The following MTUS1 variants were observed in gnomAD, a reference collection of about 807,000 sequenced individuals.
MTUS1 encodes the protein microtubule-associated tumor suppressor 1.
MTUS1 carries 109 observed loss-of-function variants against 120.8 expected under a neutral mutation model. The observed-to-expected ratio is 0.90, with a 90% CI of 0.77 to 1.06. The LOEUF is 1.06. Ranked by LOEUF, MTUS1 falls within the 50% of genes least tolerant of loss-of-function variation. The pLI is 0.00. For synonymous variants in MTUS1, 737 were observed against 550.5 expected (o/e 1.34, Z -4.74); for missense variants, 2,210 against 1,486.3 (o/e 1.49, Z -8.01).
intron 1 of MTUS1, among the ~76,000 whole-genome samples, chr8:17,788,560 G>C (rs778879850): frequency 6.6e-6 from 1 of 152,172 alleles, no homozygotes; most frequent in Admixed American, 6.5e-5. Context: ...GACAGCCACA[G>C]ACTAAACCAC....
At chr8:17,683,729 A>C (rs1248848084) in intron 7 of MTUS1, among the ~76,000 whole-genome samples, 1 of 152,224 alleles carries the variant, frequency 6.6e-6, no homozygotes, top group Non-Finnish European at 1.5e-5. Context: ...TATGTCAGTA[A>C]CATGTTGATA....
At chr8:17,734,415 A>G (rs1005761517) in intron 3 of MTUS1, among the ~76,000 whole-genome samples, 11 of 152,322 alleles carry the variant, frequency 7.2e-5, no homozygotes, top group African/African-American at 2.6e-4. Flanking sequence ...GAGTCATAAC[A>G]AAAACACGGC....
intron 8 of MTUS1, among the ~76,000 whole-genome samples, chr8:17,672,179 G>A (rs148997501): frequency 4.3e-4 from 66 of 152,262 alleles, no homozygotes; most frequent in African/African-American, 1.6e-3. Flanking sequence ...CCTTTCTGTA[G>A]CATAGATGAT....
intron 6 of MTUS1, among the ~76,000 whole-genome samples, chr8:17,686,862 T>C (rs948819440): frequency 2.6e-5 from 4 of 152,256 alleles, no homozygotes; most frequent in South Asian, 4.1e-4. Flanking sequence ...GCATTTTTTA[T>C]ACTTTTTAAC....
chr8:17,771,748 T>A (rs559788702), intron 1 of MTUS1, among the ~76,000 whole-genome samples: 1 of 152,350 alleles, frequency 6.6e-6, no homozygotes, highest in East Asian at 1.9e-4. Flanking sequence ...TATTTTCCGA[T>A]AAACAGGGTC....
At chr8:17,759,693 A>G (rs1219031390) in intron 1 of MTUS1, among the ~76,000 whole-genome samples, 1 of 149,792 alleles carries the variant, frequency 6.7e-6, no homozygotes, top group Non-Finnish European at 1.5e-5. Flanking sequence ...TTTTGCTTTT[A>G]AGACTCATAT....
rs756059902 is a variant in MTUS1, at chr8:17,754,108, G to A, written c.1700C>T (p.Ala567Val). The A allele has an allele frequency of 1.8e-5, 29 of 1,613,738 alleles. No individual in the cohort carries two copies. Among genetic ancestry groups the A allele is most frequent in the Non-Finnish European group, 2.5e-5 (29 of 1,179,984 alleles). ...ATGTGTCTTGTTAATTAGAATTTCT[G>A]CTTTTTTGTCTGCATTCAAGTCAGA... ...PRSDLNADKK[A>V]EILINKTHKQ... Residue 567 changes from alanine to valine, a missense_variant, in exon 2 of 15, where the codon GCA becomes GTA. Ala to Val is a moderately conservative substitution (Grantham distance 64, BLOSUM62 0). Transcript: ENST00000693296.
At chr8:17,797,693 A>AG (rs142464921) in intron 1 of MTUS1, among the ~76,000 whole-genome samples, 2,804 of 152,212 alleles carry the variant, frequency 0.018, 70 homozygotes, top group African/African-American at 0.064. Context: ...TCTTCCAGAG[A>AG]AAGTCTGAGG....
chr8:17,798,611 C>A (rs1278786739), intron 1 of MTUS1, among the ~76,000 whole-genome samples: 1 of 152,210 alleles, frequency 6.6e-6, no homozygotes, highest in African/African-American at 2.4e-5. Flanking sequence ...GGATTAGAGG[C>A]GTGAGCCACC....
At chr8:17,739,813 A>T (rs1346646565) in intron 3 of MTUS1, among the ~76,000 whole-genome samples, 2 of 152,210 alleles carry the variant, frequency 1.3e-5, no homozygotes, top group Admixed American at 1.3e-4. Flanking sequence ...AATAATTACT[A>T]CTACAAATAA....
Position 17,655,520 on chromosome 8 carries a change from T to C in MTUS1, c.3108+343A>G, listed in dbSNP as rs185882017. Among the ~76,000 whole-genome samples the C allele has an allele frequency of 4.4e-4, 67 of 152,288 alleles. 1 individual carries two copies. In the East Asian group the frequency reaches 0.011, roughly 24 times the overall value. The stretch of plus-strand genomic sequence containing the variant: ...AGGCGGATCACCTGAGGTTGGGAGT[T>C]TGAGACCAGCCTGGCCAACATGGTG... On this transcript the variant is annotated intron_variant, in intron 9 of 14. Transcript: ENST00000693296.
At chr8:17,793,598 C>T (rs941834010) in intron 1 of MTUS1, among the ~76,000 whole-genome samples, 1 of 151,968 alleles carries the variant, frequency 6.6e-6, no homozygotes, top group African/African-American at 2.4e-5. Context: ...ACATTTAGAC[C>T]CTATCCTTAA....
chr8:17,714,272 T>C (rs1821885772), intron 5 of MTUS1, among the ~76,000 whole-genome samples: 1 of 152,144 alleles, frequency 6.6e-6, no homozygotes, highest in African/African-American at 2.4e-5. Context: ...AAAGAAAAGG[T>C]ATTGACATAC....
Position 17,656,078 on chromosome 8 carries a change from G to A in MTUS1, c.2906-13C>T, listed in dbSNP as rs1276806070. The A allele has an allele frequency of 1.2e-6, 2 of 1,612,598 alleles. No individual in the cohort carries two copies. Among genetic ancestry groups the A allele is most frequent in the Non-Finnish European group, 1.7e-6 (2 of 1,178,724 alleles). ...GTTGAAGCAGTGACTGAAAACAGAG[G>A]AGAAAGAAGAGGGAAGAGGTCATTT... On this transcript the variant is annotated splice_polypyrimidine_tract_variant and intron_variant, in intron 8 of 14. Transcript: ENST00000693296.
At chr8:17,695,971 T>G (rs996305014) in intron 6 of MTUS1, among the ~76,000 whole-genome samples, 39 of 152,146 alleles carry the variant, frequency 2.6e-4, no homozygotes, top group African/African-American at 9.4e-4. Flanking sequence ...GATTTTTAAC[T>G]TGGAGCGTGG....
At chr8:17,767,880 T>C (rs942965115) in intron 1 of MTUS1, among the ~76,000 whole-genome samples, 4 of 152,002 alleles carry the variant, frequency 2.6e-5, no homozygotes, top group East Asian at 1.9e-4. Flanking sequence ...ATGCTTCGAA[T>C]TGGCTAAAGG....
chr8:17,748,919 G>A (rs2047977081), intron 2 of MTUS1, among the ~76,000 whole-genome samples: 1 of 152,184 alleles, frequency 6.6e-6, no homozygotes, highest in Non-Finnish European at 1.5e-5. Flanking sequence ...GAGGAAATGG[G>A]AGTCTGAGCC....
chr8:17,730,315 C>G (rs934686335), intron 3 of MTUS1, among the ~76,000 whole-genome samples: 3 of 152,042 alleles, frequency 2.0e-5, no homozygotes, highest in Non-Finnish European at 4.4e-5. Flanking sequence ...AACCCCATCT[C>G]TACTAAAAAT....
chr8:17,676,474 G>A, intron 7 of MTUS1: 1 of 624,980 alleles, frequency 1.6e-6, no homozygotes, highest in South Asian at 1.8e-5. Flanking sequence ...CTTACTTCAT[G>A]TCCTGCAGGT....
Sources: gnomAD v4.1 joint callset for allele counts (sites outside exome capture counted in the v4.1 genomes callset) on GRCh38, gnomAD v4.1.1 for gene constraint, MANE v1.5 for transcripts, NCBI Gene and HGNC (gene_info 2026-07-23, HGNC 2026-07-21) for gene names.